The following LRFN5 variants were observed in gnomAD, a reference collection of about 807,000 sequenced individuals.
LRFN5 encodes leucine-rich repeat and fibronectin type-III domain-containing protein 5.
LRFN5 carries 24 observed loss-of-function variants against 45.6 expected under a neutral mutation model. That is an observed-to-expected ratio of 0.53 (90% confidence interval 0.38 to 0.74). The LOEUF is 0.74. Ranked by LOEUF, LRFN5 falls within the 30% of genes least tolerant of loss-of-function variation. LRFN5 has a pLI of 0.00. For synonymous variants in LRFN5, 340 were observed against 313.8 expected (o/e 1.08, Z -0.88); for missense variants, 776 against 861.5 (o/e 0.90, Z 1.24).
chr14:41,783,645 T>A (rs1886614680), intron 2 of LRFN5, among the ~76,000 whole-genome samples: 1 of 152,118 alleles, frequency 6.6e-6, no homozygotes, highest in African/African-American at 2.4e-5. Context: ...GCTTGTCTGT[T>A]TAGATATTCT....
At position 41,785,086 on chromosome 14, in the gene LRFN5, T is replaced by G. The variant is rs570903503; in HGVS notation, c.-21+18057T>G. Reference sequence around the variant, plus strand: ...ATGAAAATAGCCACTCTAGCTTTTTTTTGGAGTGGTGTTTGAATAAGGTAG... The same window carrying G: ...ATGAAAATAGCCACTCTAGCTTTTTGTTGGAGTGGTGTTTGAATAAGGTAG... On this transcript the variant is annotated intron_variant, in intron 2 of 5. Coordinates refer to ENST00000298119, the MANE Select transcript of LRFN5 (RefSeq NM_152447.5). 5.3e-5 allele frequency among the ~76,000 whole-genome samples: 8 copies of G among 152,286 alleles called. 1 individual carries two copies. In the South Asian group the frequency reaches 1.7e-3, roughly 32 times the overall value.
chr14:41,756,036 G>A (rs1885362509), intron 1 of LRFN5, among the ~76,000 whole-genome samples: 1 of 152,118 alleles, frequency 6.6e-6, no homozygotes, highest in Non-Finnish European at 1.5e-5. Context: ...GCTTAGTTTG[G>A]CTGGATATGG....
chr14:41,816,417 T>A (rs890758643), intron 2 of LRFN5, among the ~76,000 whole-genome samples: 1 of 152,106 alleles, frequency 6.6e-6, no homozygotes, highest in Admixed American at 6.6e-5. Context: ...TTTATTATTT[T>A]CTTTCTCTCT....
chr14:41,757,456 G>T (rs1282888790), intron 1 of LRFN5, among the ~76,000 whole-genome samples: 3 of 152,198 alleles, frequency 2.0e-5, no homozygotes, highest in African/African-American at 7.2e-5. Flanking sequence ...CTCAGCAATG[G>T]TGGGCGCCCC....
At chr14:41,675,711 A>T (rs1268953126) in intron 1 of LRFN5, among the ~76,000 whole-genome samples, 1 of 152,166 alleles carries the variant, frequency 6.6e-6, no homozygotes, top group Non-Finnish European at 1.5e-5. Context: ...CCCTGCCCAC[A>T]TTTGACTAAA....
chr14:41,888,625 G>T (rs1238026686), intron 3 of LRFN5, among the ~76,000 whole-genome samples: 2 of 152,000 alleles, frequency 1.3e-5, no homozygotes, highest in African/African-American at 4.8e-5. Context: ...AGTGATTAAG[G>T]GGTATGTGTG....
chr14:41,751,358 GT>G (rs1203122053), intron 1 of LRFN5, among the ~76,000 whole-genome samples: 31 of 151,742 alleles, frequency 2.0e-4, no homozygotes. Flanking sequence ...AGCTCCCGTG[GT>G]CAAGCATCAA....
chr14:41,887,341 GA>G lies in LRFN5; in HGVS notation c.719del (p.Asn240ThrfsTer12). 6.2e-7 allele frequency: 1 copy of G among 1,614,200 alleles called. No homozygotes were observed. Among genetic ancestry groups the G allele is most frequent in the Non-Finnish European group, 8.5e-7 (1 of 1,180,052 alleles). On this transcript the variant is annotated frameshift_variant, in exon 3 of 6. Coordinates refer to ENST00000298119, the MANE Select transcript of LRFN5 (RefSeq NM_152447.5). LOFTEE classifies it high-confidence loss of function. This position sits in a 1 kb window ranked among gnomAD's most constrained non-coding sequence, Gnocchi z 4.8. ...TCTACTTTTGCATTAAGTTTTGGTG[GA>G]AACCCCTTGCATTGCAATTGTGAAT... is the stretch of plus-strand genomic sequence containing the variant. ...SPSTFALSFG[G>X]NPLHCNCELL... is the part of the protein sequence containing the mutation.
chr14:41,618,855 T>G (rs2138553255), intron 1 of LRFN5, among the ~76,000 whole-genome samples: 1 of 152,338 alleles, frequency 6.6e-6, no homozygotes, highest in Admixed American at 6.5e-5. Flanking sequence ...CATGGATTCA[T>G]ATATTTTTGA....
chr14:41,634,937 A>G (rs1055719647), intron 1 of LRFN5, among the ~76,000 whole-genome samples: 3 of 152,120 alleles, frequency 2.0e-5, no homozygotes, highest in African/African-American at 7.2e-5. Context: ...GAAATAATTT[A>G]ATTATGTAAT....
intron 1 of LRFN5, among the ~76,000 whole-genome samples, chr14:41,741,878 A>G (rs1015154702): frequency 6.6e-6 from 1 of 151,694 alleles, no homozygotes; most frequent in African/African-American, 2.4e-5. Context: ...TATTTCTCCA[A>G]AGAAGACATG....
At chr14:41,793,467 T>A (rs1887007353) in intron 2 of LRFN5, among the ~76,000 whole-genome samples, 1 of 152,114 alleles carries the variant, frequency 6.6e-6, no homozygotes, top group Non-Finnish European at 1.5e-5. Flanking sequence ...ACTAGAAAAC[T>A]TTTTAAATAT....
At chr14:41,687,542 G>A (rs1306533738) in intron 1 of LRFN5, among the ~76,000 whole-genome samples, 1 of 152,158 alleles carries the variant, frequency 6.6e-6, no homozygotes, top group South Asian at 2.1e-4. Flanking sequence ...GCACACATGT[G>A]TTTATTGCAG....
At chr14:41,699,402 AT>A (rs1450838910) in intron 1 of LRFN5, 1 of 152,130 alleles carries the variant, frequency 6.6e-6, no homozygotes, top group Non-Finnish European at 1.5e-5. Flanking sequence ...GACACAACTT[AT>A]AAAATTCAAA....
chr14:41,801,556 T>C (rs1887333641), intron 2 of LRFN5, among the ~76,000 whole-genome samples: 1 of 152,136 alleles, frequency 6.6e-6, no homozygotes, highest in Non-Finnish European at 1.5e-5. Flanking sequence ...TTTTCAGTGC[T>C]CCATCAGTGT....
intron 1 of LRFN5, among the ~76,000 whole-genome samples, chr14:41,674,508 A>C: frequency 8.5e-6 from 1 of 117,342 alleles, no homozygotes; most frequent in African/African-American, 3.4e-5. Context: ...CGGGGGGCTG[A>C]CCCCTCCACC....
chr14:41,846,214 G>C (rs61988415), intron 2 of LRFN5, among the ~76,000 whole-genome samples: 29 of 150,488 alleles, frequency 1.9e-4, no homozygotes, highest in African/African-American at 5.4e-4. Context: ...TGTTTACACA[G>C]ACACACACAC....
chr14:41,848,503 C>T (rs1383902789), intron 2 of LRFN5, among the ~76,000 whole-genome samples: 7 of 133,306 alleles, frequency 5.3e-5, no homozygotes, highest in Non-Finnish European at 8.1e-5. Context: ...ATTTTTTTTT[C>T]GTATTCGTCA....
intron 2 of LRFN5, among the ~76,000 whole-genome samples, chr14:41,863,915 T>C (rs763509437): frequency 5.3e-5 from 8 of 152,018 alleles, no homozygotes; most frequent in Non-Finnish European, 7.4e-5. Flanking sequence ...CTCCCACTTA[T>C]GAGTGAAAAC....
Sources: allele counts gnomAD v4.1 joint callset (sites outside exome capture counted in the v4.1 genomes callset), GRCh38; gene constraint gnomAD v4.1.1; non-coding constraint Gnocchi (gnomAD v3.1); transcripts MANE v1.5; gene names NCBI Gene and HGNC (gene_info 2026-07-23, HGNC 2026-07-21).